Variants in TUNAR observed in about 807,000 individuals in gnomAD.
TUNAR encodes protein TUNAR.
At chr14:95,879,970 A>G (rs1888953355) in intron 2 of TUNAR, among the ~76,000 whole-genome samples, 1 of 152,230 alleles carries the variant, frequency 6.6e-6, no homozygotes, top group Non-Finnish European at 1.5e-5. Flanking sequence ...TTTCTGCATC[A>G]GTGAGGATGC....
intron 2 of TUNAR, among the ~76,000 whole-genome samples, chr14:95,896,617 C>A (rs1465885666): frequency 6.6e-6 from 1 of 152,212 alleles, no homozygotes; most frequent in Non-Finnish European, 1.5e-5. Flanking sequence ...CAGAAAGCCT[C>A]TGCTCTGTTT....
intron 2 of TUNAR, among the ~76,000 whole-genome samples, chr14:95,882,042 G>A (rs541642593): frequency 6.6e-6 from 1 of 152,326 alleles, no homozygotes; most frequent in East Asian, 1.9e-4. Context: ...CAAGTTTGTT[G>A]ATAGGTGATG....
chr14:95,890,385 A>G (rs1366880263), intron 2 of TUNAR, among the ~76,000 whole-genome samples: 1 of 152,036 alleles, frequency 6.6e-6, no homozygotes, highest in Non-Finnish European at 1.5e-5. Context: ...GGCAGCCCCA[A>G]CCCTACATTT....
chr14:95,919,049 G>T (rs1466320007), intron 2 of TUNAR, among the ~76,000 whole-genome samples: 1 of 152,164 alleles, frequency 6.6e-6, no homozygotes, highest in African/African-American at 2.4e-5. Context: ...GACTCCATTA[G>T]AGACATGACT....
intron 2 of TUNAR, among the ~76,000 whole-genome samples, chr14:95,907,269 G>A (rs780494714): frequency 6.6e-6 from 1 of 152,210 alleles, no homozygotes; most frequent in Non-Finnish European, 1.5e-5. Flanking sequence ...GAACTTGCGT[G>A]TGTGTTTTCA....
chr14:95,878,542 G>T (rs531996247), intron 2 of TUNAR, among the ~76,000 whole-genome samples: 15 of 147,596 alleles, frequency 1.0e-4, no homozygotes, highest in African/African-American at 3.8e-4. Flanking sequence ...ACCCCCTTCA[G>T]CTAAATGATT....
chr14:95,918,918 C>T (rs1232112474), intron 2 of TUNAR, among the ~76,000 whole-genome samples: 2 of 152,202 alleles, frequency 1.3e-5, no homozygotes, highest in African/African-American at 2.4e-5. Flanking sequence ...CCCACTCATT[C>T]ATTCAGCACA....
At chr14:95,897,006 C>T (rs1408478043) in intron 2 of TUNAR, among the ~76,000 whole-genome samples, 1 of 152,214 alleles carries the variant, frequency 6.6e-6, no homozygotes, top group Non-Finnish European at 1.5e-5. Context: ...ATAGCTCTGG[C>T]ATATGTTTTT....
intron 2 of TUNAR, among the ~76,000 whole-genome samples, chr14:95,922,247 C>T (rs1945039233): frequency 6.6e-6 from 1 of 152,230 alleles, no homozygotes; most frequent in African/African-American, 2.4e-5. Context: ...CGTGCATAGA[C>T]CCTTTACCAT....
At chr14:95,876,722 C>G (rs998615301) in intron 1 of TUNAR, 110 bp from the exon 1 acceptor site, 12 of 152,156 alleles carry the variant, frequency 7.9e-5, no homozygotes, top group Admixed American at 7.9e-4. Context: ...CTCGGCGCCC[C>G]GCTGGGCGCG....
At chr14:95,922,017 T>C (rs1889705486) in intron 2 of TUNAR, among the ~76,000 whole-genome samples, 1 of 152,202 alleles carries the variant, frequency 6.6e-6, no homozygotes, top group South Asian at 2.1e-4. Context: ...AGTTCTCTGC[T>C]ATGGCAGATG....
At chr14:95,911,636 T>C (rs1237484768) in intron 2 of TUNAR, among the ~76,000 whole-genome samples, 1 of 152,190 alleles carries the variant, frequency 6.6e-6, no homozygotes, top group African/African-American at 2.4e-5. Flanking sequence ...AGCGTGAACC[T>C]TCCCCGCTCC....
chr14:95,924,132 A>G (rs1889744722), exon 3 of TUNAR: 1 of 152,206 alleles, frequency 6.6e-6, no homozygotes, highest in South Asian at 2.1e-4. Flanking sequence ...GATTAGGTGC[A>G]TTACTCCTTC....
At position 95,881,882 on chromosome 14, in the gene TUNAR, C is replaced by T. The variant is rs144624463; in HGVS notation, c.12+4705C>T. 9.5e-3 allele frequency among the ~76,000 whole-genome samples: 1,447 copies of T among 152,310 alleles called. 9 individuals carry two copies. The highest frequency in any genetic ancestry group is 0.014 in the Non-Finnish European group (974 of 68,036). ...ATTGCGTGGCTTTACATTCTGCTAA[C>T]GATACTCAGGCTGGGTTTCTTCACC... On this transcript the variant is annotated intron_variant, in intron 2 of 2. Transcript: ENST00000678517.
intron 2 of TUNAR, among the ~76,000 whole-genome samples, chr14:95,894,477 A>C (rs1889227320): frequency 6.6e-6 from 1 of 152,114 alleles, no homozygotes; most frequent in African/African-American, 2.4e-5. Flanking sequence ...GGGGAGGGAG[A>C]GATTCACACG....
intron 2 of TUNAR, among the ~76,000 whole-genome samples, chr14:95,898,475 T>G (rs960468437): frequency 1.3e-5 from 2 of 152,226 alleles, no homozygotes; most frequent in African/African-American, 4.8e-5. Context: ...CCTTCATTTG[T>G]TTTCCATTCT....
chr14:95,916,588 C>T (rs1013302257), intron 2 of TUNAR, among the ~76,000 whole-genome samples: 42 of 152,326 alleles, frequency 2.8e-4, no homozygotes, highest in African/African-American at 9.6e-4. Flanking sequence ...TTTAAATGCT[C>T]TTATCCATGT....
chr14:95,889,807 G>T (rs2139655958), intron 2 of TUNAR, among the ~76,000 whole-genome samples: 2 of 152,226 alleles, frequency 1.3e-5, no homozygotes, highest in Middle Eastern at 3.4e-3. Flanking sequence ...TGCAGAGATG[G>T]CTGCTCTCCT....
intron 2 of TUNAR, among the ~76,000 whole-genome samples, chr14:95,901,229 G>T (rs1370693743): frequency 6.6e-6 from 1 of 152,236 alleles, no homozygotes; most frequent in Non-Finnish European, 1.5e-5. Context: ...ACTGCTTTGG[G>T]AGGTGATTCA....
Sources: gnomAD v4.1 joint callset for allele counts (sites outside exome capture counted in the v4.1 genomes callset) on GRCh38, gnomAD v4.1.1 for gene constraint, MANE v1.5 for transcripts, NCBI Gene and HGNC (gene_info 2026-07-23, HGNC 2026-07-21) for gene names.